The following ANKRD36B variants were observed in gnomAD, a reference collection of about 807,000 sequenced individuals.
ANKRD36B encodes ankyrin repeat domain 36B, also known as ankyrin repeat domain-containing protein 36B.
A neutral mutation model predicts 135.7 loss-of-function variants in ANKRD36B; 37 were observed. The ratio of observed to expected loss-of-function variants is 0.27; its 90% CI spans 0.21 to 0.36. The LOEUF (loss-of-function observed/expected upper bound fraction) is 0.36, where lower values mean the gene tolerates loss of function less well. Among genes scored for constraint, ANKRD36B ranks in the 10% least tolerant of loss-of-function variants. The pLI is 1.00. For missense variants in ANKRD36B, 549 were observed against 1,037.1 expected (o/e 0.53, Z 6.46); for synonymous variants, 179 against 348.1 (o/e 0.51, Z 5.41).
chr2:97,530,695 A>C (rs2078528294), intron 35 of ANKRD36B, among the ~76,000 whole-genome samples: 1 of 96,804 alleles, frequency 1.0e-5, no homozygotes, highest in Admixed American at 9.2e-5. Context: ...CAAAGAACTC[A>C]AACAAATTTA....
chr2:97,586,112 C>A (rs2082966249), intron 1 of ANKRD36B, among the ~76,000 whole-genome samples: 1 of 152,032 alleles, frequency 6.6e-6, no homozygotes, highest in Admixed American at 6.6e-5. Context: ...ACAGGCAGTT[C>A]TATTCATATA....
chr2:97,556,188 T>C (rs2080505765), intron 12 of ANKRD36B, among the ~76,000 whole-genome samples: 1 of 151,776 alleles, frequency 6.6e-6, no homozygotes, highest in South Asian at 2.1e-4. Context: ...GAAAAAAGCT[T>C]TGGAAAAAAG....
intron 26 of ANKRD36B, among the ~76,000 whole-genome samples, chr2:97,543,180 C>G (rs1268503897): frequency 6.6e-6 from 1 of 151,544 alleles, no homozygotes; most frequent in African/African-American, 2.4e-5. Context: ...TCTCCTGCAC[C>G]CAGTAGTTCC....
Position 97,543,982 on chromosome 2 carries a change from G to C in ANKRD36B, c.1685C>G (p.Ser562Cys). 2 of 154,180 alleles carry C rather than the reference G, an allele frequency of 1.3e-5. No individual in the cohort carries two copies. The highest frequency in any genetic ancestry group is 7.3e-5 in the East Asian group (1 of 13,646). 9.6% of individuals were successfully genotyped at this position (154,180 alleles called of 1,614,324 possible). The change falls in exon 25 of 44, where the codon TCT (serine) becomes TGT (cysteine). Residue 562 changes from serine (S) to cysteine (C), a missense_variant. Ser to Cys is a moderately radical substitution (Grantham distance 112). Transcript: ENST00000359901. ...CTTCAAGGCTGGTTGTTTCTGACAA[G>C]ACACTGAAAAGCAAAAGGGATACAT... ...TKDEQISGTVSCQKQPALKAT... is the reference protein window; with the variant it reads ...TKDEQISGTVCCQKQPALKAT...
intron 16 of ANKRD36B, among the ~76,000 whole-genome samples, chr2:97,552,334 T>A (rs184067930): frequency 6.6e-6 from 1 of 152,130 alleles, no homozygotes; most frequent in East Asian, 1.9e-4. Context: ...TAAAATAGCC[T>A]TCTTGGGAGT....
At chr2:97,563,362 A>C (rs528048646) in intron 6 of ANKRD36B, among the ~76,000 whole-genome samples, 16 of 152,124 alleles carry the variant, frequency 1.1e-4, no homozygotes, top group Admixed American at 9.2e-4. Context: ...CAGGAAATAA[A>C]TATGGAACAC....
chr2:97,572,746 A>G (rs114113305), intron 6 of ANKRD36B, among the ~76,000 whole-genome samples: 1 of 151,790 alleles, frequency 6.6e-6, no homozygotes, highest in Admixed American at 6.6e-5. Context: ...AAATTAAAAA[A>G]AAAAACAGTA....
chr2:97,581,731 C>T (rs1263996376), intron 3 of ANKRD36B, among the ~76,000 whole-genome samples: 1 of 152,100 alleles, frequency 6.6e-6, no homozygotes, highest in African/African-American at 2.4e-5. Context: ...TCAATTAAAG[C>T]TCTAATAATG....
At position 97,589,590 on chromosome 2, in the gene ANKRD36B, A is replaced by C. The variant is rs2083278877; in HGVS notation, c.96T>G (p.Asn32Lys). ...GCAGAAGGTACTTCAGTTTCTCCAG[A>C]TTACCACGTAAGACAGCTCTGTGGA... is the stretch of plus-strand genomic sequence containing the variant. Reference protein sequence around the residue: ...KRIHRAVLRGNLEKLKYLLLT... With the variant: ...KRIHRAVLRGKLEKLKYLLLT... Residue 32 changes from asparagine to lysine, a missense_variant, in exon 1 of 44, where the codon AAT (asparagine) becomes AAG (lysine). Asn to Lys is a moderately conservative substitution (Grantham distance 94, BLOSUM62 0). Coordinates refer to ENST00000359901, the MANE Select transcript of ANKRD36B (RefSeq NM_001393939.1). 1.2e-6 allele frequency: 2 copies of C among 1,613,690 alleles called. No individual in the cohort carries two copies. Among genetic ancestry groups the C allele is most frequent in the South Asian group, 2.2e-5 (2 of 91,052 alleles).
chr2:97,528,254 A>C (rs11885581), intron 35 of ANKRD36B, among the ~76,000 whole-genome samples: 1,557 of 95,340 alleles, frequency 0.016, 421 homozygotes, highest in East Asian at 0.15. Flanking sequence ...GAAACTCACT[A>C]AAAACCGCTC....
At chr2:97,566,193 C>A (rs538050734) in intron 6 of ANKRD36B, among the ~76,000 whole-genome samples, 2 of 151,740 alleles carry the variant, frequency 1.3e-5, no homozygotes, top group African/African-American at 4.8e-5. Flanking sequence ...CGGTGGCACA[C>A]GTATGTAATC....
At chr2:97,539,160 A>G (rs1444442978) in intron 30 of ANKRD36B, among the ~76,000 whole-genome samples, 1 of 97,722 alleles carries the variant, frequency 1.0e-5, no homozygotes, top group African/African-American at 3.1e-5. Context: ...ATATTCATTG[A>G]AAATAACAAT....
In ANKRD36B at chr2:97,515,875, GTTATCT is replaced by G; in HGVS notation, c.2472_2477del (p.Lys824_Asp825del). 3.3e-6 allele frequency: 1 copy of G among 304,950 alleles called. No homozygotes were observed. 18.9% of individuals were successfully genotyped at this position (304,950 alleles called of 1,614,324 possible). On this transcript the variant is annotated inframe_deletion, in exon 37 of 44. Coordinates refer to ENST00000359901, the MANE Select transcript of ANKRD36B (RefSeq NM_001393939.1). ...TTTTTACTCTAAGTTGCTCACAGTG[GTTATCT>G]TTAAGTTTTATTAATCTTTTCCATA...
chr2:97,555,868 T>C (rs2080477642), intron 12 of ANKRD36B, among the ~76,000 whole-genome samples: 1 of 151,902 alleles, frequency 6.6e-6, no homozygotes, highest in Admixed American at 6.6e-5. Context: ...TCTTGTATCC[T>C]CTAGTTTAGC....
At position 97,495,757 on chromosome 2, in the gene ANKRD36B, T is replaced by C. The variant is rs545525427; in HGVS notation, c.*7-2902A>G. 2.4e-4 allele frequency among the ~76,000 whole-genome samples: 23 copies of C among 95,796 alleles called. No homozygotes were observed. In the South Asian group the frequency reaches 5.0e-3, roughly 21 times the overall value. The allele number at this position is 95,796 out of a possible 152,430, so 62.8% of individuals were successfully genotyped here. ...GTTCCTTGGGCACTAACCACGGAGG[T>C]TGTAGAATTTCAATGCATAATCAAG... On this transcript the variant is annotated intron_variant, in intron 43 of 43. Coordinates refer to ENST00000359901, the MANE Select transcript of ANKRD36B (RefSeq NM_001393939.1).
rs532236228 is a variant in ANKRD36B, at chr2:97,526,781, A to C, written c.2266-3314T>G. ...TGCAGAAGCCTCAGAGGCCGATGCGATCAACTGGAAGAAAGGGTATCAGTG... is the reference window on the plus strand; with the variant it reads ...TGCAGAAGCCTCAGAGGCCGATGCGCTCAACTGGAAGAAAGGGTATCAGTG... On this transcript the variant is annotated intron_variant, in intron 35 of 43. Coordinates refer to ENST00000359901, the MANE Select transcript of ANKRD36B (RefSeq NM_001393939.1). 8.2e-5 allele frequency among the ~76,000 whole-genome samples: 8 copies of C among 97,354 alleles called. 3 individuals carry two copies. The highest frequency in any genetic ancestry group is 1.8e-4 in the Admixed American group (2 of 11,040). 63.9% of individuals were successfully genotyped at this position (97,354 alleles called of 152,430 possible).
chr2:97,548,021 A>G (rs2079653369), intron 20 of ANKRD36B, among the ~76,000 whole-genome samples: 1 of 151,834 alleles, frequency 6.6e-6, no homozygotes. Context: ...AGTGATGAGG[A>G]CAAAGTGATC....
At chr2:97,579,082 T>C (rs766898966) in intron 4 of ANKRD36B, 39 bp from the exon 5 acceptor site, 1 of 1,548,512 alleles carries the variant, frequency 6.5e-7, no homozygotes, top group South Asian at 1.2e-5. Flanking sequence ...TTTAATGACA[T>C]TTTAAAAGCT....
chr2:97,563,881 T>C (rs1403141821), intron 6 of ANKRD36B, among the ~76,000 whole-genome samples: 1 of 152,124 alleles, frequency 6.6e-6, no homozygotes, highest in Non-Finnish European at 1.5e-5. Context: ...TTTATGTCCA[T>C]ATGGTATCAA....
Sources: allele counts gnomAD v4.1 joint callset (sites outside exome capture counted in the v4.1 genomes callset), GRCh38; gene constraint gnomAD v4.1.1; transcripts MANE v1.5; gene names NCBI Gene and HGNC (gene_info 2026-07-23, HGNC 2026-07-21).